The following ADCY2 variants were observed in gnomAD, a reference collection of about 807,000 sequenced individuals.
ADCY2 encodes the protein adenylate cyclase 2.
ADCY2 carries 31 observed loss-of-function variants against 125.2 expected under a neutral mutation model. The observed-to-expected ratio is 0.25, with a 90% confidence interval of 0.19 to 0.33. ADCY2 has a LOEUF of 0.33. Ranked by LOEUF, ADCY2 falls within the 10% of genes least tolerant of loss-of-function variation. The pLI, the probability that ADCY2 is intolerant of heterozygous loss-of-function variation, is 1.00. For missense variants in ADCY2, 904 were observed against 1,418.2 expected, an observed-to-expected ratio of 0.64 and a Z score of 5.82; for synonymous variants, 512 against 548.4, an observed-to-expected ratio of 0.93 and a Z score of 0.93.
intron 2 of ADCY2, 63 bp from the exon 3 acceptor site, chr5:7,520,675 A>G: frequency 6.3e-7 from 1 of 1,584,486 alleles, no homozygotes; most frequent in South Asian, 1.1e-5. Flanking sequence ...TGGCATGGAA[A>G]CAGGAGGCTC....
At chr5:7,511,846 T>C (rs555246976) in intron 2 of ADCY2, among the ~76,000 whole-genome samples, 11 of 151,932 alleles carry the variant, frequency 7.2e-5, no homozygotes, top group Admixed American at 2.0e-4. Context: ...GATGGGAGAC[T>C]GGAGATAGCA....
chr5:7,534,074 G>A (rs1734739375), intron 3 of ADCY2, among the ~76,000 whole-genome samples: 1 of 152,162 alleles, frequency 6.6e-6, no homozygotes, highest in Non-Finnish European at 1.5e-5. Context: ...AATCCAGCAG[G>A]GGCTCCTGCC....
intron 15 of ADCY2, among the ~76,000 whole-genome samples, chr5:7,753,278 T>C (rs1742884096): frequency 6.6e-6 from 1 of 152,190 alleles, no homozygotes; most frequent in African/African-American, 2.4e-5. Flanking sequence ...TGGATGAATG[T>C]GATATTCACA....
intron 24 of ADCY2, among the ~76,000 whole-genome samples, chr5:7,823,646 C>A (rs1745372334): frequency 6.6e-6 from 1 of 152,176 alleles, no homozygotes; most frequent in African/African-American, 2.4e-5. Flanking sequence ...ACCTGCAGGC[C>A]AGCCCATGTC....
At chr5:7,699,427 T>C (rs750484827) in intron 7 of ADCY2, among the ~76,000 whole-genome samples, 4 of 152,006 alleles carry the variant, frequency 2.6e-5, no homozygotes, top group Non-Finnish European at 5.9e-5. Flanking sequence ...GTCTAACAAT[T>C]TGGGGTTGTA....
intron 2 of ADCY2, among the ~76,000 whole-genome samples, chr5:7,470,913 G>A (rs918650516): frequency 2.6e-5 from 4 of 151,658 alleles, no homozygotes; most frequent in Admixed American, 1.3e-4. Context: ...GAAGATGATC[G>A]ATAGCTTTTG....
At position 7,646,888 on chromosome 5, in the gene ADCY2, C is replaced by A. The variant is rs537189858; in HGVS notation, c.720+20572C>A. ...AAAAGCTTGAGCAAATGGGCAATTT[C>A]GGCCACCATCTTGAAGGCCAGACTC... On this transcript the variant is annotated intron_variant, in intron 4 of 24. Coordinates refer to ENST00000338316, the MANE Select transcript of ADCY2 (RefSeq NM_020546.3). 1.1e-4 allele frequency among the ~76,000 whole-genome samples: 16 copies of A among 152,266 alleles called. No individual in the cohort carries two copies. The Middle Eastern group carries it at 0.01, about 97-fold the overall frequency.
intron 4 of ADCY2, among the ~76,000 whole-genome samples, chr5:7,675,813 T>C (rs1041546265): frequency 1.3e-5 from 2 of 152,190 alleles, no homozygotes; most frequent in Non-Finnish European, 2.9e-5. Flanking sequence ...TTCGTGGGCA[T>C]GTTTAGGCTT....
At chr5:7,534,895 T>C (rs893895841) in intron 3 of ADCY2, among the ~76,000 whole-genome samples, 1 of 152,238 alleles carries the variant, frequency 6.6e-6, no homozygotes, top group African/African-American at 2.4e-5. Context: ...TTATTATTAG[T>C]TTCTACAGGA....
chr5:7,507,014 C>G (rs1265053991), intron 2 of ADCY2, among the ~76,000 whole-genome samples: 1 of 149,208 alleles, frequency 6.7e-6, no homozygotes, highest in African/African-American at 2.5e-5. Context: ...GTCTCGATCT[C>G]CTGACCTCGT....
chr5:7,825,205 C>T lies in ADCY2; in HGVS notation c.3124-1514C>T, dbSNP rs562563249. ...GCCACGACAACGCTGCTGTGCGCCACGACAACGCTGCTGTGCGCCACGACA... is the reference window on the plus strand; with the variant it reads ...GCCACGACAACGCTGCTGTGCGCCATGACAACGCTGCTGTGCGCCACGACA... On this transcript the variant is annotated intron_variant, in intron 24 of 24. Transcript: ENST00000338316. 6.4e-3 allele frequency among the ~76,000 whole-genome samples: 969 copies of T among 151,470 alleles called. 9 individuals are homozygous for T. Among genetic ancestry groups the T allele is most frequent in the African/African-American group, 0.022 (923 of 41,278 alleles).
chr5:7,603,470 C>T (rs1737281768), intron 3 of ADCY2, among the ~76,000 whole-genome samples: 1 of 152,168 alleles, frequency 6.6e-6, no homozygotes, highest in Non-Finnish European at 1.5e-5. Flanking sequence ...TAATTAACTC[C>T]CAGGTTGATA....
chr5:7,727,092 T>A, intron 13 of ADCY2, 72 bp from the exon 14 acceptor site: 1 of 1,157,828 alleles, frequency 8.6e-7, no homozygotes, highest in Non-Finnish European at 1.3e-6. Context: ...TGGGTACAAC[T>A]AGGCTGCTGG....
At chr5:7,584,583 T>C (rs886943780) in intron 3 of ADCY2, among the ~76,000 whole-genome samples, 6 of 152,134 alleles carry the variant, frequency 3.9e-5, no homozygotes, top group Admixed American at 3.3e-4. Flanking sequence ...ACTGTGGTTA[T>C]CTGAAATGCC....
At chr5:7,445,423 T>C (rs7703114) in intron 2 of ADCY2, among the ~76,000 whole-genome samples, 122,124 of 152,100 alleles carry the variant, frequency 0.8, 49,523 homozygotes, top group African/African-American at 0.87. Flanking sequence ...CCAGGACCAC[T>C]CTGTTTTATT....
Position 7,757,592 on chromosome 5 carries a change from T to TGGCCGTGTTCAACCTGGTAAGC in ADCY2, c.2094+6_2094+7insGGCCGTGTTCAACCTGGTAAGC. On this transcript the variant is annotated splice_region_variant and intron_variant, in intron 16 of 24. Coordinates refer to ENST00000338316, the MANE Select transcript of ADCY2 (RefSeq NM_020546.3). Reference sequence around the variant, plus strand: ...TGATGGCCGTGTTCAACATGGTAAGTCCCAGAGCACGGCCGTGTTCAACAT... The same window carrying TGGCCGTGTTCAACCTGGTAAGC: ...TGATGGCCGTGTTCAACATGGTAAGTGGCCGTGTTCAACCTGGTAAGCCCCAGAGCACGGCCGTGTTCAACAT... The TGGCCGTGTTCAACCTGGTAAGC allele has an allele frequency of 6.5e-7, 1 of 1,545,596 alleles. No homozygotes were observed. The highest frequency in any genetic ancestry group is 8.8e-7 in the Non-Finnish European group (1 of 1,137,452).
chr5:7,717,763 G>T (rs1324931538), intron 12 of ADCY2, among the ~76,000 whole-genome samples: 1 of 152,206 alleles, frequency 6.6e-6, no homozygotes, highest in Non-Finnish European at 1.5e-5. Flanking sequence ...AGAGTTGTGG[G>T]AGGAAAACAA....
At chr5:7,501,133 A>ATTTTT (rs1561059945) in intron 2 of ADCY2, among the ~76,000 whole-genome samples, 163 of 96,996 alleles carry the variant, frequency 1.7e-3, no homozygotes, top group Non-Finnish European at 2.6e-3. Context: ...CTTTTTTTTA[A>ATTTTT]AAAAAAAAAA....
intron 3 of ADCY2, among the ~76,000 whole-genome samples, chr5:7,523,315 T>TAAAA (rs5865718): frequency 5.9e-5 from 8 of 135,700 alleles, no homozygotes; most frequent in African/African-American, 1.6e-4. Flanking sequence ...CCTGCATTGG[T>TAAAA]AAAAAAAAAA....
Sources: allele counts gnomAD v4.1 joint callset (sites outside exome capture counted in the v4.1 genomes callset), GRCh38; gene constraint gnomAD v4.1.1; transcripts MANE v1.5; gene names NCBI Gene and HGNC (gene_info 2026-07-23, HGNC 2026-07-21).